Variants in TMC8 observed in about 807,000 individuals in gnomAD.
The protein encoded by TMC8 is transmembrane channel-like protein 8.
TMC8 carries 71 observed loss-of-function variants against 76.0 expected under a neutral mutation model. The observed-to-expected ratio is 0.93, with a 90% CI of 0.77 to 1.14. The LOEUF is 1.14. TMC8 is among the 50% of genes most tolerant of loss of function. TMC8 has a pLI of 0.00. For missense variants in TMC8, 924 were observed against 947.9 expected (o/e 0.97, Z 0.33); for synonymous variants, 433 against 433.8 (o/e 1.00, Z 0.02).
chr17:78,133,760 C>T, intron 6 of TMC8, 93 bp from the exon 7 acceptor site: 1 of 1,586,570 alleles, frequency 6.3e-7, no homozygotes, highest in South Asian at 1.1e-5. Flanking sequence ...CCTGGGGCTG[C>T]AGGGGCCTTC....
At position 78,138,576 on chromosome 17, in the gene TMC8, T is replaced by A. The variant is rs1019271604; in HGVS notation, c.1667T>A (p.Ile556Asn). ...AVPLGYVVSSIHSSWDCGLFT... is the reference protein window; with the variant it reads ...AVPLGYVVSSNHSSWDCGLFT... ...CCCACTTGGCCATCTCTCGCCAGCA[T>A]CCACTCCTCCTGGGACTGCGGCCTC... The change falls in exon 14 of 16, where the codon ATC (isoleucine) becomes AAC (asparagine). Residue 556 changes from isoleucine (I) to asparagine (N), a missense_variant and splice_region_variant. By Grantham distance (149) the Ile-to-Asn change is moderately radical. Coordinates refer to ENST00000318430, the MANE Select transcript of TMC8 (RefSeq NM_152468.5). 1 of 1,613,840 alleles carries A rather than the reference T, an allele frequency of 6.2e-7. No homozygotes were observed. Among genetic ancestry groups the A allele is most frequent in the Admixed American group, 1.7e-5 (1 of 60,018 alleles).
Position 78,134,416 on chromosome 17 carries a change from G to T in TMC8, c.839G>T (p.Arg280Leu). 6.2e-7 allele frequency: 1 copy of T among 1,612,628 alleles called. No individual in the cohort carries two copies. Among genetic ancestry groups the T allele is most frequent in the East Asian group, 2.2e-5 (1 of 44,882 alleles). The change falls in exon 8 of 16, where the codon CGC becomes CTC. Residue 280 changes from arginine to leucine, a missense_variant. Arg to Leu is a moderately radical substitution (Grantham distance 102, BLOSUM62 -2). Transcript: ENST00000318430. ...CAGGTGGAGCTGGAGGAGGGCCGTC[G>T]CTTCCAGCTGATGCAGCAGCAGACC... The part of the protein sequence containing the change: ...EFKVELEEGR[R>L]FQLMQQQTRA...
rs762098539 is a variant in TMC8 at position 78,138,194 on chromosome 17, G to T, written c.1533+6G>T. 4 of 1,613,590 alleles carry T rather than the reference G, an allele frequency of 2.5e-6. No individual in the cohort carries two copies. Among genetic ancestry groups the T allele is most frequent in the Admixed American group, 1.7e-5 (1 of 59,988 alleles). ...TCACCTTCTACATCAAGAAGGTGAC[G>T]GCTCATGGCTGGGGGGTATGGGGTT... On this transcript the variant is annotated splice_donor_region_variant and intron_variant, in intron 12 of 15. Transcript: ENST00000318430.
At position 78,134,991 on chromosome 17, in the gene TMC8, T is replaced by A; in HGVS notation, c.1109T>A (p.Val370Asp). The change falls in exon 9 of 16, where the codon GTC (valine) becomes GAC (aspartate). Residue 370 changes from valine (V) to aspartate (D), a missense_variant. Val to Asp is a radical substitution (Grantham distance 152). Transcript: ENST00000318430. ...GAGAACTACCCTCCCAACACGGAGG[T>A]CAACCTCACTCTGATCTGGTGAGTG... The part of the protein sequence containing the change: ...QLENYPPNTE[V>D]NLTLIWCVVL... 6.2e-7 allele frequency: 1 copy of A among 1,613,970 alleles called. No homozygotes were observed. The highest frequency in any genetic ancestry group is 8.5e-7 in the Non-Finnish European group (1 of 1,179,960).
At position 78,132,820 on chromosome 17, in the gene TMC8, C is replaced by T; in HGVS notation, c.481C>T (p.Pro161Ser). ...GTGCCCTGGTAGCCGCCAGTCCCCG[C>T]CTGGCGTTTTGAGGTTCCACAATCA... The part of the protein sequence containing the change: ...LQCPGSRQSP[P>S]GVLRFHNQLW... Residue 161 changes from proline (P) to serine (S), a missense_variant, in exon 5 of 16, where the codon CCT (proline) becomes TCT (serine). Transcript: ENST00000318430. 6.2e-7 allele frequency: 1 copy of T among 1,614,232 alleles called. No homozygotes were observed. The highest frequency in any genetic ancestry group is 8.5e-7 in the Non-Finnish European group (1 of 1,180,034).
chr17:78,132,938 C>T lies in TMC8; in HGVS notation c.531+68C>T. On this transcript the variant is annotated intron_variant, in intron 5 of 15. Transcript: ENST00000318430. ...CCCAGGGAACTGGCTTCAGGGGACA[C>T]AAGTCTAAGAGGACCTCTGCTCCTC... is the stretch of plus-strand genomic sequence containing the variant. 3 of 1,553,364 alleles carry T rather than the reference C, an allele frequency of 1.9e-6. 1 individual carries two copies. Among genetic ancestry groups the T allele is most frequent in the South Asian group, 2.2e-5 (2 of 89,668 alleles).
In TMC8 at chr17:78,134,413, G is replaced by T. The variant is rs372510006; in HGVS notation, c.836G>T (p.Arg279Leu). ...NEFKVELEEG[R>L]RFQLMQQQTR... The stretch of plus-strand genomic sequence containing the variant: ...GGGCAGGTGGAGCTGGAGGAGGGCC[G>T]TCGCTTCCAGCTGATGCAGCAGCAG... Residue 279 changes from arginine to leucine, a missense_variant, in exon 8 of 16, where the codon CGT (arginine) becomes CTT (leucine). Physicochemically the swap from Arg to Leu is moderately radical, Grantham distance 102. Transcript: ENST00000318430. 1.4e-5 allele frequency: 23 copies of T among 1,612,256 alleles called. No individual in the cohort carries two copies. Among genetic ancestry groups the T allele is most frequent in the Middle Eastern group, 1.6e-4 (1 of 6,080 alleles).
Position 78,137,829 on chromosome 17 carries a change from G to C in TMC8, c.1349+15G>C, listed in dbSNP as rs781449160. ...CTGCCTCGGAGGTGAGCCCCGGGGT[G>C]ACACCTCCAGAAGGGCGGGGGTGCC... On this transcript the variant is annotated intron_variant, in intron 11 of 15. Coordinates refer to ENST00000318430, the MANE Select transcript of TMC8 (RefSeq NM_152468.5). 1 of 1,611,586 alleles carries C rather than the reference G, an allele frequency of 6.2e-7. No homozygotes were observed. Among genetic ancestry groups the C allele is most frequent in the Non-Finnish European group, 8.5e-7 (1 of 1,179,402 alleles).
In TMC8 at chr17:78,137,308, A is replaced by G; in HGVS notation, c.1201A>G (p.Arg401Gly). Residue 401 changes from arginine to glycine, a missense_variant, in exon 10 of 16, where the codon AGA becomes GGA. By Grantham distance (125) the Arg-to-Gly change is moderately radical. Coordinates refer to ENST00000318430, the MANE Select transcript of TMC8 (RefSeq NM_152468.5). ...SLGQTILCIG[R>G]DKSSCESYGY... The stretch of plus-strand genomic sequence containing the variant: ...GGGTCAGACCATACTGTGCATTGGC[A>G]GAGACAAGAGCAGCTGTGAGTCCTA... 1 of 1,614,014 alleles carries G rather than the reference A, an allele frequency of 6.2e-7. No individual in the cohort carries two copies. The highest frequency in any genetic ancestry group is 8.5e-7 in the Non-Finnish European group (1 of 1,179,998).
intron 11 of TMC8, 56 bp from the exon 12 acceptor site, chr17:78,137,949 T>G: frequency 6.2e-7 from 1 of 1,609,424 alleles, no homozygotes; most frequent in Non-Finnish European, 8.5e-7. Flanking sequence ...CCATGACCAA[T>G]ACAGCCCACG....
chr17:78,132,659 G>A, intron 4 of TMC8, 129 bp from the exon 5 acceptor site: 1 of 1,489,486 alleles, frequency 6.7e-7, no homozygotes, highest in Non-Finnish European at 9.3e-7. Context: ...CTTGTGTGGG[G>A]CACGCCTTTG....
intron 3 of TMC8, 135 bp from the exon 4 acceptor site, chr17:78,132,224 A>G (rs1243117801): frequency 2.9e-6 from 4 of 1,383,496 alleles, no homozygotes; most frequent in African/African-American, 1.4e-5. Flanking sequence ...GGTGACTGTC[A>G]GCGGTACCTC....
intron 15 of TMC8, among the ~76,000 whole-genome samples, 183 bp from the exon 16 acceptor site, chr17:78,140,651 C>G (rs1187788782): frequency 6.7e-6 from 1 of 150,082 alleles, no homozygotes; most frequent in Non-Finnish European, 1.5e-5. Context: ...GGGCGGGACC[C>G]TGGTGGGGCG....
In TMC8 at chr17:78,134,688, G is replaced by A. The variant is rs75240167; in HGVS notation, c.987+124G>A. On this transcript the variant is annotated intron_variant, in intron 8 of 15. Coordinates refer to ENST00000318430, the MANE Select transcript of TMC8 (RefSeq NM_152468.5). Reference sequence around the variant, plus strand: ...TCAATCGGTCGTGGCCACAGGTCACGGCCAAGGCAGGCGGGCTCCCACTGG... The same window carrying A: ...TCAATCGGTCGTGGCCACAGGTCACAGCCAAGGCAGGCGGGCTCCCACTGG... 628 of 1,512,288 alleles carry A rather than the reference G, an allele frequency of 4.2e-4. 4 individuals are homozygous for A. The African/African-American group carries it at 7.0e-3, about 17-fold the overall frequency. The allele number at this position is 1,512,288 out of a possible 1,614,324, so 93.7% of individuals were successfully genotyped here. A position where few individuals can be genotyped will look rare whatever the true frequency, so the allele number is the denominator to read the frequency against.
Position 78,138,302 on chromosome 17 carries a change from G to T in TMC8, c.1534-47G>T, listed in dbSNP as rs1466096481. On this transcript the variant is annotated intron_variant, in intron 12 of 15. Coordinates refer to ENST00000318430, the MANE Select transcript of TMC8 (RefSeq NM_152468.5). The stretch of plus-strand genomic sequence containing the variant: ...CTTCCCTGGGTGTCAGCCCCCTGGG[G>T]TCTGCATAACTCGCTGACTCCTGGT... The T allele has an allele frequency of 1.2e-5, 19 of 1,610,990 alleles. No homozygotes were observed. In the Admixed American group the frequency reaches 1.8e-4, roughly 16 times the overall value.
Position 78,131,499 on chromosome 17 carries a change from A to G in TMC8, c.-90A>G. The G allele has an allele frequency of 6.6e-7, 1 of 1,512,192 alleles. No individual in the cohort carries two copies. The highest frequency in any genetic ancestry group is 8.9e-7 in the Non-Finnish European group (1 of 1,127,416). The allele number at this position is 1,512,192 out of a possible 1,614,324, so 93.7% of individuals were successfully genotyped here. A position where few individuals can be genotyped will look rare whatever the true frequency, so the allele number is the denominator to read the frequency against. ...CCCCAGCCCAGCGTGCACAGAGGCCATAGCCAAGGCCTTAAGGCTCATCCA... is the reference window on the plus strand; with the variant it reads ...CCCCAGCCCAGCGTGCACAGAGGCCGTAGCCAAGGCCTTAAGGCTCATCCA... On this transcript the variant is annotated 5_prime_UTR_variant, in exon 2 of 16. Transcript: ENST00000318430.
Position 78,139,250 on chromosome 17 carries a change from C to T in TMC8, c.1902+10C>T. ...GAAGCAGCTGGTGTGGGTGAGTGTCCTCGGGGCTGGTGAGGGGACAGCAGC... is the reference window on the plus strand; with the variant it reads ...GAAGCAGCTGGTGTGGGTGAGTGTCTTCGGGGCTGGTGAGGGGACAGCAGC... On this transcript the variant is annotated intron_variant, in intron 15 of 15. Transcript: ENST00000318430. 2.5e-6 allele frequency: 4 copies of T among 1,613,256 alleles called. No homozygotes were observed. The highest frequency in any genetic ancestry group is 3.4e-6 in the Non-Finnish European group (4 of 1,180,012).
Position 78,133,981 on chromosome 17 carries a change from A to C in TMC8, c.797A>C (p.Glu266Ala), listed in dbSNP as rs1475777591. The change falls in exon 7 of 16, where the codon GAG becomes GCG. Residue 266 changes from glutamate (E) to alanine (A), a missense_variant. By Grantham distance (107) the Glu-to-Ala change is moderately radical (BLOSUM62 -1). Transcript: ENST00000318430. ...VQEAATIKKH[E>A]ISNEFKVELE... Reference sequence around the variant, plus strand: ...GAAGCAGCCACCATCAAGAAGCATGAGATCAGCAACGAGTTCAAGGTGTGT... The same window carrying C: ...GAAGCAGCCACCATCAAGAAGCATGCGATCAGCAACGAGTTCAAGGTGTGT... 5 of 1,613,770 alleles carry C rather than the reference A, an allele frequency of 3.1e-6. No homozygotes were observed. The highest frequency in any genetic ancestry group is 4.2e-6 in the Non-Finnish European group (5 of 1,180,040).
At position 78,131,751 on chromosome 17, in the gene TMC8, G is replaced by C; in HGVS notation, c.149+14G>C. ...GCGCCTCATCTGGTGGGTGCCACGC[G>C]GGCGCCAGACGGTGCGTGGGGGGGG... On this transcript the variant is annotated intron_variant, in intron 2 of 15. Transcript: ENST00000318430. The C allele has an allele frequency of 6.3e-7, 1 of 1,575,542 alleles. No individual in the cohort carries two copies. Among genetic ancestry groups the C allele is most frequent in the Admixed American group, 1.8e-5 (1 of 54,732 alleles).
Sources: allele counts gnomAD v4.1 joint callset (sites outside exome capture counted in the v4.1 genomes callset), GRCh38; gene constraint gnomAD v4.1.1; transcripts MANE v1.5; gene names NCBI Gene and HGNC (gene_info 2026-07-23, HGNC 2026-07-21).